RARB: variants seen among roughly 807,000 people sequenced by gnomAD.
RARB encodes the protein retinoic acid receptor beta.
A neutral mutation model predicts 51.9 loss-of-function variants in RARB; 17 were observed. The observed-to-expected ratio is 0.33, with a 90% CI of 0.22 to 0.49. The LOEUF is 0.49. Ranked by LOEUF, RARB falls within the 20% of genes least tolerant of loss-of-function variation. The pLI is 0.99. For missense variants in RARB, 369 were observed against 550.8 expected (o/e 0.67, Z 3.30); for synonymous variants, 215 against 195.4 (o/e 1.10, Z -0.84).
chr3:24,850,899 G>A (rs751737165), intron 1 of RARB, among the ~76,000 whole-genome samples: 1 of 152,196 alleles, frequency 6.6e-6, no homozygotes, highest in Non-Finnish European at 1.5e-5. Flanking sequence ...CAGCAGATAT[G>A]CTAAAACAAA....
chr3:24,930,477 A>C (rs551430648), intron 2 of RARB, among the ~76,000 whole-genome samples: 9 of 152,228 alleles, frequency 5.9e-5, no homozygotes, highest in African/African-American at 2.2e-4. Flanking sequence ...AAAGCCATTC[A>C]ATAGGGCTTT....
At chr3:25,216,488 G>C (rs1485478161) in intron 5 of RARB, among the ~76,000 whole-genome samples, 2 of 151,498 alleles carry the variant, frequency 1.3e-5, no homozygotes, top group African/African-American at 4.9e-5. Context: ...CACAGGAACA[G>C]AAAACCAAAC....
chr3:25,372,649 C>A (rs1706334992), intron 5 of RARB, among the ~76,000 whole-genome samples: 1 of 151,974 alleles, frequency 6.6e-6, no homozygotes, highest in Non-Finnish European at 1.5e-5. Context: ...ATAATGAGAC[C>A]CTGTCTTTAC....
In RARB at chr3:24,949,024, C is replaced by G. The variant is rs1695832269; in HGVS notation, c.-380+90272C>G. Among the ~76,000 whole-genome samples, 4 of 152,156 alleles carry G rather than the reference C, an allele frequency of 2.6e-5. No individual in the cohort carries two copies. The South Asian group carries it at 8.3e-4, about 32-fold the overall frequency. Reference sequence around the variant, plus strand: ...TGTAATGAACCATTACAGTAGCTGTCTCTACTGCAGGGCAAGGTCAAAGGA... The same window carrying G: ...TGTAATGAACCATTACAGTAGCTGTGTCTACTGCAGGGCAAGGTCAAAGGA... On this transcript the variant is annotated intron_variant, in intron 2 of 11. Coordinates refer to the RARB transcript ENST00000383772.
At chr3:25,208,266 A>G (rs1444944029) in intron 5 of RARB, among the ~76,000 whole-genome samples, 1 of 152,174 alleles carries the variant, frequency 6.6e-6, no homozygotes, top group Non-Finnish European at 1.5e-5. Flanking sequence ...ATGAGACGCT[A>G]AGGATCCAAG....
chr3:25,585,388 G>T (rs1333376308), intron 5 of RARB, among the ~76,000 whole-genome samples: 1 of 152,162 alleles, frequency 6.6e-6, no homozygotes, highest in African/African-American at 2.4e-5. Flanking sequence ...GGATAAAGGA[G>T]GGCAAAATTG....
Position 24,872,828 on chromosome 3 carries a change from T to C in RARB, c.-380+14076T>C, listed in dbSNP as rs552290188. Among the ~76,000 whole-genome samples, 7 of 152,304 alleles carry C rather than the reference T, an allele frequency of 4.6e-5. No individual in the cohort carries two copies. In the South Asian group the frequency reaches 1.2e-3, roughly 27 times the overall value. On this transcript the variant is annotated intron_variant, in intron 2 of 11. Transcript: ENST00000383772. ...CTATAGCACCTTCTCTGTATAGACT[T>C]CTCTACCCTATGTAATATTACAGAC...
At chr3:25,170,413 C>T (rs1242505447) in intron 4 of RARB, among the ~76,000 whole-genome samples, 1 of 152,086 alleles carries the variant, frequency 6.6e-6, no homozygotes. Context: ...TGAGGGGAGG[C>T]TCTTCCCAGA....
At chr3:25,066,920 G>C (rs567440689) in intron 3 of RARB, among the ~76,000 whole-genome samples, 1 of 152,244 alleles carries the variant, frequency 6.6e-6, no homozygotes, top group South Asian at 2.1e-4. Context: ...GAATGACCCA[G>C]CCTCCCCTTA....
Position 25,574,187 on chromosome 3 carries a change from T to C in RARB, c.609+4269T>C, listed in dbSNP as rs114078505. Reference sequence around the variant, plus strand: ...TCCGCTTCCTTAGGGTGAACCCTAGTGAGTATCATTTGGGCTTTAGGGCCT... The same window carrying C: ...TCCGCTTCCTTAGGGTGAACCCTAGCGAGTATCATTTGGGCTTTAGGGCCT... On this transcript the variant is annotated intron_variant, in intron 4 of 7. Transcript: ENST00000330688. Among the ~76,000 whole-genome samples, 921 of 152,332 alleles carry C rather than the reference T, an allele frequency of 6.0e-3. 10 individuals are homozygous for C. The highest frequency in any genetic ancestry group is 0.021 in the African/African-American group (884 of 41,564).
intron 2 of RARB, among the ~76,000 whole-genome samples, chr3:24,924,135 ACT>A (rs1288163207): frequency 2.0e-5 from 3 of 151,980 alleles, no homozygotes; most frequent in East Asian, 1.9e-4. Context: ...CCAGAAATAA[ACT>A]CTCTATTTTT....
At chr3:25,194,261 G>C (rs1701176768) in intron 5 of RARB, among the ~76,000 whole-genome samples, 1 of 151,644 alleles carries the variant, frequency 6.6e-6, no homozygotes, top group Non-Finnish European at 1.5e-5. Flanking sequence ...GAGAAGGTCA[G>C]AGAAGGCAGA....
At chr3:24,942,675 G>A (rs1041196916) in intron 2 of RARB, among the ~76,000 whole-genome samples, 2 of 152,044 alleles carry the variant, frequency 1.3e-5, no homozygotes, top group Admixed American at 1.3e-4. Flanking sequence ...GTATCAAATG[G>A]TATTATCTTT....
intron 2 of RARB, among the ~76,000 whole-genome samples, chr3:25,008,188 G>A (rs562794518): frequency 1.3e-5 from 2 of 152,246 alleles, no homozygotes; most frequent in Non-Finnish European, 2.9e-5. Context: ...GCAGTTCAGA[G>A]TTTTCAGGAA....
intron 5 of RARB, among the ~76,000 whole-genome samples, chr3:25,322,008 G>GA (rs1158272494): frequency 4.7e-5 from 7 of 149,922 alleles, no homozygotes; most frequent in South Asian, 2.1e-4. Flanking sequence ...AATGTTTGTA[G>GA]AAAAAAAAAG....
At chr3:25,149,534 G>A (rs185227480) in intron 4 of RARB, among the ~76,000 whole-genome samples, 6 of 152,346 alleles carry the variant, frequency 3.9e-5, no homozygotes, top group Admixed American at 1.3e-4. Context: ...GAGGCTAACT[G>A]AGGATATGGT....
At chr3:25,213,382 C>T (rs371301805) in intron 5 of RARB, among the ~76,000 whole-genome samples, 2 of 151,978 alleles carry the variant, frequency 1.3e-5, no homozygotes, top group Admixed American at 1.3e-4. Flanking sequence ...TTCATATTGT[C>T]CTATGTAGCT....
intron 5 of RARB, among the ~76,000 whole-genome samples, chr3:25,196,199 T>A (rs936284933): frequency 7.2e-5 from 11 of 152,068 alleles, no homozygotes; most frequent in Non-Finnish European, 4.4e-5. Context: ...TAGGTATTAC[T>A]CCTAATACTA....
chr3:25,108,553 G>A (rs1559469468), intron 3 of RARB, among the ~76,000 whole-genome samples: 1 of 152,088 alleles, frequency 6.6e-6, no homozygotes, highest in Admixed American at 6.6e-5. Context: ...TAATCCTATT[G>A]GTTAGGACTC....
Sources: gnomAD v4.1 joint callset for allele counts (sites outside exome capture counted in the v4.1 genomes callset) on GRCh38, gnomAD v4.1.1 for gene constraint, MANE v1.5 for transcripts, NCBI Gene and HGNC (gene_info 2026-07-23, HGNC 2026-07-21) for gene names.